TBCEL: variants seen among roughly 807,000 people sequenced by gnomAD.
TBCEL encodes the protein tubulin folding cofactor E like, also known as tubulin-specific chaperone cofactor E-like protein.
A neutral mutation model predicts 44.2 loss-of-function variants in TBCEL; 15 were observed. That is an observed-to-expected ratio of 0.34 (90% CI 0.23 to 0.52). TBCEL has a LOEUF of 0.52. Among genes scored for constraint, TBCEL ranks in the 20% least tolerant of loss-of-function variants. The probability of loss-of-function intolerance (pLI) is 0.95; values close to 1 mark genes in which losing one functional copy is unlikely to be tolerated. For missense variants in TBCEL, 319 were observed against 506.3 expected (o/e 0.63, Z 3.55); for synonymous variants, 171 against 185.4 (o/e 0.92, Z 0.63).
chr11:121,080,056 G>A (rs180894025), intron 8 of TBCEL, among the ~76,000 whole-genome samples: 68 of 152,140 alleles, frequency 4.5e-4, no homozygotes, highest in African/African-American at 1.6e-3. Flanking sequence ...ACCTCAGGCA[G>A]TCCACCCACC....
intron 5 of TBCEL, 88 bp downstream of exon 5, chr11:121,053,820 A>G: frequency 1.5e-6 from 2 of 1,371,816 alleles, no homozygotes; most frequent in Non-Finnish European, 2.0e-6. Flanking sequence ...CGCAAGAAAT[A>G]CTAGAACTGC....
chr11:121,066,387 A>C (rs1945820894), intron 8 of TBCEL, among the ~76,000 whole-genome samples: 1 of 152,234 alleles, frequency 6.6e-6, no homozygotes, highest in Non-Finnish European at 1.5e-5. Context: ...GAGAAAGAGA[A>C]TATCTACTCC....
At chr11:121,083,960 C>CA (rs1946170184) in intron 8 of TBCEL, among the ~76,000 whole-genome samples, 2 of 152,148 alleles carry the variant, frequency 1.3e-5, no homozygotes, top group African/African-American at 4.8e-5. Flanking sequence ...ATCAGGGTGC[C>CA]AGCATCTGGC....
chr11:121,026,035 G>A (rs1406604561), intron 1 of TBCEL, among the ~76,000 whole-genome samples: 1 of 152,044 alleles, frequency 6.6e-6, no homozygotes, highest in Non-Finnish European at 1.5e-5. Context: ...AAGATACACT[G>A]ATTTTCTTTT....
chr11:121,048,327 A>G (rs1289081243), intron 4 of TBCEL, among the ~76,000 whole-genome samples: 1 of 151,922 alleles, frequency 6.6e-6, no homozygotes, highest in Non-Finnish European at 1.5e-5. Flanking sequence ...GGTTTGACAT[A>G]ACTGATGTCT....
intron 2 of TBCEL, among the ~76,000 whole-genome samples, chr11:121,038,088 T>G (rs554706688): frequency 6.6e-6 from 1 of 152,038 alleles, no homozygotes; most frequent in African/African-American, 2.4e-5. Flanking sequence ...GCCTCCCAAG[T>G]AGCTGGGACT....
intron 3 of TBCEL, among the ~76,000 whole-genome samples, chr11:121,046,638 T>G (rs1945435055): frequency 6.6e-6 from 1 of 152,010 alleles, no homozygotes; most frequent in African/African-American, 2.4e-5. Context: ...TTGCTGAAAG[T>G]AGCAAGTTGA....
chr11:121,045,938 C>G (rs1295128591), intron 3 of TBCEL, 115 bp downstream of exon 3: 2 of 1,152,326 alleles, frequency 1.7e-6, no homozygotes, highest in Non-Finnish European at 1.1e-6. Flanking sequence ...GTCAAATAGT[C>G]TTTCCCCCTT....
chr11:121,063,317 A>G (rs1357812992), intron 8 of TBCEL, among the ~76,000 whole-genome samples: 1 of 152,172 alleles, frequency 6.6e-6, no homozygotes, highest in Non-Finnish European at 1.5e-5. Context: ...AGGACTCTTC[A>G]ATATCTACGC....
chr11:121,025,467 C>T (rs1425013903), intron 1 of TBCEL, among the ~76,000 whole-genome samples: 1 of 151,750 alleles, frequency 6.6e-6, no homozygotes, highest in Non-Finnish European at 1.5e-5. Flanking sequence ...CTAGTACATA[C>T]GTAGGTATGA....
intron 8 of TBCEL, among the ~76,000 whole-genome samples, chr11:121,080,408 T>C (rs2135013525): frequency 6.6e-6 from 1 of 152,264 alleles, no homozygotes; most frequent in East Asian, 1.9e-4. Flanking sequence ...TCTGGGATAT[T>C]TATGATCCCA....
chr11:121,034,941 C>T (rs1945204813), intron 1 of TBCEL, among the ~76,000 whole-genome samples: 3 of 152,088 alleles, frequency 2.0e-5, no homozygotes, highest in South Asian at 2.1e-4. Flanking sequence ...GAGGTAAGGG[C>T]AAGCTCTTCC....
At chr11:121,063,342 T>C (rs1945760112) in intron 8 of TBCEL, among the ~76,000 whole-genome samples, 2 of 152,178 alleles carry the variant, frequency 1.3e-5, no homozygotes, top group South Asian at 4.1e-4. Context: ...ATTTTCCCCA[T>C]AGTTATATTT....
intron 1 of TBCEL, among the ~76,000 whole-genome samples, chr11:121,034,442 T>TA (rs1945196221): frequency 6.6e-6 from 1 of 152,222 alleles, no homozygotes; most frequent in Non-Finnish European, 1.5e-5. Context: ...GTGGAGTAGA[T>TA]ACAATTATGT....
chr11:121,085,335 G>A (rs1426489330), intron 8 of TBCEL, among the ~76,000 whole-genome samples: 2 of 152,148 alleles, frequency 1.3e-5, no homozygotes, highest in Non-Finnish European at 2.9e-5. Flanking sequence ...ACCGTGCCTG[G>A]CAATCTTATA....
intron 8 of TBCEL, among the ~76,000 whole-genome samples, chr11:121,074,146 G>A (rs551599534): frequency 6.6e-6 from 1 of 151,954 alleles, no homozygotes; most frequent in South Asian, 2.1e-4. Flanking sequence ...TTTGGGGGTA[G>A]GTGTTTTAAT....
At chr11:121,041,250 A>G (rs1387771117) in intron 2 of TBCEL, among the ~76,000 whole-genome samples, 1 of 152,134 alleles carries the variant, frequency 6.6e-6, no homozygotes, top group African/African-American at 2.4e-5. Context: ...TAAAGTACAA[A>G]TTGTTTGCGT....
intron 1 of TBCEL, among the ~76,000 whole-genome samples, chr11:121,027,973 G>A (rs1945076111): frequency 1.3e-5 from 2 of 152,232 alleles, no homozygotes; most frequent in Middle Eastern, 3.4e-3. Flanking sequence ...TTGGGAGGCC[G>A]AGGTAGGAGG....
At chr11:121,063,643 A>G (rs1229565299) in intron 8 of TBCEL, among the ~76,000 whole-genome samples, 5 of 152,230 alleles carry the variant, frequency 3.3e-5, no homozygotes, top group Non-Finnish European at 5.9e-5. Context: ...AAAGAACAAC[A>G]TATAAATATG....
Sources: gnomAD v4.1 joint callset for allele counts (sites outside exome capture counted in the v4.1 genomes callset) on GRCh38, gnomAD v4.1.1 for gene constraint, MANE v1.5 for transcripts, NCBI Gene and HGNC (gene_info 2026-07-23, HGNC 2026-07-21) for gene names.